RUNX2: variants seen among roughly 807,000 people sequenced by gnomAD.
RUNX2 encodes runt-related transcription factor 2.
Under a neutral mutation model 51.7 loss-of-function variants are expected in RUNX2, and 10 were observed. That is an observed-to-expected ratio of 0.19 (90% CI 0.12 to 0.33). The LOEUF (loss-of-function observed/expected upper bound fraction) is 0.33. RUNX2 is among the 10% of genes least tolerant of loss of function. The pLI, the probability that RUNX2 is intolerant of heterozygous loss-of-function variation, is 1.00. For synonymous variants in RUNX2, 276 were observed against 273.6 expected, an observed-to-expected ratio of 1.01 and a Z score of -0.09; for missense variants, 562 against 691.3, an observed-to-expected ratio of 0.81 and a Z score of 2.10.
chr6:45,422,650 T>C lies in RUNX2; in HGVS notation c.116T>C (p.Met39Thr), dbSNP rs1195139165. ...PPSSSLQPGK[M>T]SDVSPVVAAQ... ...TCCAGCAGCCTGCAGCCCGGCAAAA[T>C]GAGCGACGTGAGCCCGGTGGTGGCT... Residue 39 changes from methionine to threonine, a missense_variant, in exon 3 of 9, where the codon ATG (methionine) becomes ACG (threonine). Transcript: ENST00000647337. The C allele has an allele frequency of 6.2e-7, 1 of 1,604,688 alleles. No individual in the cohort carries two copies.
rs974164696 is a variant in RUNX2, at chr6:45,547,062, C to T, written c.1323C>T (p.Ser441=). Residue 441 remains serine, a synonymous_variant, in exon 9 of 9, where the codon AGC becomes AGT. Transcript: ENST00000647337. ...AGAGTGGACCCTTCCAGACCAGCAG[C>T]ACTCCATATCTCTACTATGGCACTT... is the stretch of plus-strand genomic sequence containing the variant. The part of the protein sequence containing the change: ...QSQSGPFQTS[S]TPYLYYGTSS... 4.3e-6 allele frequency: 7 copies of T among 1,614,044 alleles called. No homozygotes were observed. The African/African-American group carries it at 6.7e-5, about 15-fold the overall frequency.
intron 2 of RUNX2, among the ~76,000 whole-genome samples, chr6:45,402,007 A>G (rs1421045164): frequency 1.3e-5 from 2 of 152,232 alleles, no homozygotes; most frequent in Non-Finnish European, 2.9e-5. Flanking sequence ...GAAACGTCCC[A>G]TTCGACATCG....
At chr6:45,446,191 C>G (rs564474391) in intron 5 of RUNX2, among the ~76,000 whole-genome samples, 1 of 152,320 alleles carries the variant, frequency 6.6e-6, no homozygotes, top group South Asian at 2.1e-4. Flanking sequence ...TTGCACTCTT[C>G]CCTGGCTTCC....
At chr6:45,328,899 C>CAACAAGATAGCATAA in intron 2 of RUNX2, 115 bp downstream of exon 2, 1 of 1,091,834 alleles carries the variant, frequency 9.2e-7, no homozygotes, top group Non-Finnish European at 1.4e-6. Flanking sequence ...CCTAATTATG[C>CAACAAGATAGCATAA]TATCTTGTTG....
chr6:45,455,063 G>A (rs1582129949), intron 5 of RUNX2, among the ~76,000 whole-genome samples: 1 of 152,154 alleles, frequency 6.6e-6, no homozygotes, highest in African/African-American at 2.4e-5. Flanking sequence ...GCAGTGAGCC[G>A]AGATCGTGCC....
chr6:45,430,448 G>A (rs146804080), intron 3 of RUNX2, among the ~76,000 whole-genome samples: 2 of 152,242 alleles, frequency 1.3e-5, no homozygotes, highest in East Asian at 3.9e-4. Flanking sequence ...GAAAAGTAAG[G>A]GTGACAAAAA....
chr6:45,489,517 C>T (rs761473261), intron 5 of RUNX2, among the ~76,000 whole-genome samples: 4 of 152,320 alleles, frequency 2.6e-5, no homozygotes, highest in South Asian at 4.1e-4. Flanking sequence ...CCATGGCCCA[C>T]GTAAAGTCCT....
At chr6:45,395,707 G>A (rs1359055980) in intron 2 of RUNX2, among the ~76,000 whole-genome samples, 1 of 152,126 alleles carries the variant, frequency 6.6e-6, no homozygotes, top group East Asian at 1.9e-4. Flanking sequence ...TGTTGCCCAG[G>A]CTGGAGTGAA....
intron 5 of RUNX2, among the ~76,000 whole-genome samples, chr6:45,476,021 T>C (rs1166580311): frequency 6.6e-6 from 1 of 152,236 alleles, no homozygotes; most frequent in East Asian, 1.9e-4. Flanking sequence ...GCTCAGACTT[T>C]CTTTCTCAAG....
chr6:45,353,602 C>T (rs1240790891), intron 2 of RUNX2, among the ~76,000 whole-genome samples: 1 of 151,446 alleles, frequency 6.6e-6, no homozygotes, highest in Non-Finnish European at 1.5e-5. Flanking sequence ...AACTTAGAAC[C>T]CTCCCTGACA....
At chr6:45,530,896 T>A (rs1801820481) in intron 7 of RUNX2, among the ~76,000 whole-genome samples, 1 of 152,100 alleles carries the variant, frequency 6.6e-6, no homozygotes, top group Non-Finnish European at 1.5e-5. Flanking sequence ...ACTCCAAAGG[T>A]GAGAGTAAAA....
rs780062825 is a variant in RUNX2 at position 45,431,924 on chromosome 6, A to G, written c.485A>G (p.Glu162Gly). The change falls in exon 4 of 9, where the codon GAA becomes GGA. Residue 162 changes from glutamate to glycine, a missense_variant. Glu to Gly is a moderately conservative substitution (Grantham distance 98, BLOSUM62 -2). Coordinates refer to ENST00000647337, the MANE Select transcript of RUNX2 (RefSeq NM_001024630.4). Reference protein sequence around the residue: ...TVVTVMAGNDENYSAELRNAS... With the variant: ...TVVTVMAGNDGNYSAELRNAS... ...GTTACTGTCATGGCGGGTAACGATG[A>G]AAATTATTCTGCTGAGCTCCGGAAT... is the stretch of plus-strand genomic sequence containing the variant. 1.2e-6 allele frequency: 2 copies of G among 1,614,168 alleles called. No individual in the cohort carries two copies. The highest frequency in any genetic ancestry group is 2.2e-5 in the South Asian group (2 of 91,076).
intron 2 of RUNX2, among the ~76,000 whole-genome samples, chr6:45,371,394 C>CT (rs560509544): frequency 0.24 from 33,591 of 138,772 alleles, 4,231 homozygotes; most frequent in Non-Finnish European, 0.3. Context: ...TATTAGCTCA[C>CT]TTTTTTTTTT....
At chr6:45,464,916 C>T (rs146781260) in intron 5 of RUNX2, among the ~76,000 whole-genome samples, 128 of 152,330 alleles carry the variant, frequency 8.4e-4, no homozygotes, top group African/African-American at 2.8e-3. Context: ...GTGTCTGGAA[C>T]ATTTATCTAT....
chr6:45,499,324 A>G (rs1368323097), intron 6 of RUNX2, among the ~76,000 whole-genome samples: 1 of 152,226 alleles, frequency 6.6e-6, no homozygotes, highest in Admixed American at 6.5e-5. Context: ...GAATCTGTAC[A>G]GGAGGTTGCT....
chr6:45,463,634 T>TA (rs1381197745), intron 5 of RUNX2, among the ~76,000 whole-genome samples: 1 of 152,090 alleles, frequency 6.6e-6, no homozygotes, highest in East Asian at 1.9e-4. Context: ...AATGCTTTTT[T>TA]TAAAAAAATG....
intron 5 of RUNX2, among the ~76,000 whole-genome samples, chr6:45,484,526 G>A (rs1800211288): frequency 6.6e-6 from 1 of 152,176 alleles, no homozygotes. Flanking sequence ...ATTTTTACAT[G>A]TATGTAGGAA....
chr6:45,436,063 C>T lies in RUNX2; in HGVS notation c.581-1884C>T, dbSNP rs999459028. Among the ~76,000 whole-genome samples, 9 of 152,172 alleles carry T rather than the reference C, an allele frequency of 5.9e-5. No individual in the cohort carries two copies. The South Asian group carries it at 1.2e-3, about 21-fold the overall frequency. On this transcript the variant is annotated intron_variant, in intron 4 of 8. Transcript: ENST00000647337. ...TTATAATAAAGCCTCTCTTTGCTAA[C>T]CAATTATAAATTATTTAAATCCGTG...
At chr6:45,346,567 CTT>C (rs71745024) in intron 2 of RUNX2, among the ~76,000 whole-genome samples, 1 of 140,420 alleles carries the variant, frequency 7.1e-6, no homozygotes, top group East Asian at 2.1e-4. Context: ...ATAAACATTT[CTT>C]TTTTTTTTTT....
Sources: allele counts gnomAD v4.1 joint callset (sites outside exome capture counted in the v4.1 genomes callset), GRCh38; gene constraint gnomAD v4.1.1; transcripts MANE v1.5; gene names NCBI Gene and HGNC (gene_info 2026-07-23, HGNC 2026-07-21).